GBF1: variants seen among roughly 807,000 people sequenced by gnomAD.
GBF1 encodes golgi brefeldin A resistant guanine nucleotide exchange factor 1.
GBF1 carries 114 observed loss-of-function variants against 210.5 expected under a neutral mutation model. The ratio of observed to expected loss-of-function variants is 0.54; its 90% CI spans 0.47 to 0.63. The LOEUF is 0.63. Ranked by LOEUF, GBF1 falls within the 30% of genes least tolerant of loss-of-function variation. GBF1 has a pLI of 0.00. For synonymous variants in GBF1, 850 were observed against 889.2 expected (o/e 0.96, Z 0.78); for missense variants, 1,851 against 2,357.7 (o/e 0.79, Z 4.45).
At chr10:102,254,586 C>A (rs2072065527) in intron 1 of GBF1, among the ~76,000 whole-genome samples, 1 of 152,124 alleles carries the variant, frequency 6.6e-6, no homozygotes, top group Admixed American at 6.5e-5. Context: ...ACTGGGATGC[C>A]ACAAAGCACT....
chr10:102,242,908 G>A (rs544168017), upstream of GBF1, among the ~76,000 whole-genome samples: 218 of 127,102 alleles, frequency 1.7e-3, 1 homozygote, highest in Admixed American at 1.6e-3. Context: ...CAGACTGGGC[G>A]ACAGAGCAAG....
chr10:102,368,203 C>G lies in GBF1; in HGVS notation c.2643-15C>G. On this transcript the variant is annotated splice_polypyrimidine_tract_variant and intron_variant, in intron 21 of 39. Coordinates refer to ENST00000369983, the MANE Select transcript of GBF1 (RefSeq NM_001377137.1). Reference sequence around the variant, plus strand: ...TCAAAGCAGTGCAACTGCTCCTTCCCTTACCTCCTGACAGGAATGAGGAAA... The same window carrying G: ...TCAAAGCAGTGCAACTGCTCCTTCCGTTACCTCCTGACAGGAATGAGGAAA... 1 of 1,567,246 alleles carries G rather than the reference C, an allele frequency of 6.4e-7. No individual in the cohort carries two copies. Among genetic ancestry groups the G allele is most frequent in the Non-Finnish European group, 8.8e-7 (1 of 1,137,730 alleles).
chr10:102,355,188 G>A (rs911570826), intron 8 of GBF1, among the ~76,000 whole-genome samples: 8 of 152,200 alleles, frequency 5.3e-5, no homozygotes, highest in Admixed American at 6.5e-5. Flanking sequence ...TCACAAGAGT[G>A]TGCATGCTGA....
chr10:102,376,227 G>T, intron 30 of GBF1, 45 bp from the exon 31 acceptor site: 1 of 1,512,716 alleles, frequency 6.6e-7, no homozygotes, highest in Non-Finnish European at 9.2e-7. Context: ...TCATCCCAGT[G>T]CCCCATCCCC....
chr10:102,374,004 A>G (rs981621702), intron 29 of GBF1, among the ~76,000 whole-genome samples: 1 of 152,252 alleles, frequency 6.6e-6, no homozygotes, highest in African/African-American at 2.4e-5. Context: ...TAAAAAGGTT[A>G]TGTAATATAT....
intron 3 of GBF1, among the ~76,000 whole-genome samples, chr10:102,291,083 A>C (rs79332175): frequency 0.01 from 1,558 of 152,214 alleles, 23 homozygotes; most frequent in African/African-American, 0.036. Context: ...TTTGTATTAC[A>C]TGTATCAGGT....
chr10:102,244,426 T>C (rs1195929516), upstream of GBF1, among the ~76,000 whole-genome samples: 1 of 152,230 alleles, frequency 6.6e-6, no homozygotes, highest in African/African-American at 2.4e-5. Flanking sequence ...CATCCTCTTG[T>C]CCTCTTCTCA....
rs531258435 is a variant in GBF1, at chr10:102,324,388, A to G, written c.164-19663A>G. On this transcript the variant is annotated intron_variant, in intron 3 of 39. Transcript: ENST00000369983. ...GTGTAGGGAATGCCAGGGGCTACCC[A>G]AGAAATATGAAATGAGTTATTTGTA... Among the ~76,000 whole-genome samples, 11 of 152,278 alleles carry G rather than the reference A, an allele frequency of 7.2e-5. No homozygotes were observed. The East Asian group carries it at 2.1e-3, about 29-fold the overall frequency.
chr10:102,280,916 G>T (rs191657613), intron 3 of GBF1, among the ~76,000 whole-genome samples: 1 of 152,192 alleles, frequency 6.6e-6, no homozygotes. Flanking sequence ...GTTGTCTTTC[G>T]TCTGAGAAAC....
chr10:102,343,512 T>G (rs2058331175), intron 3 of GBF1, among the ~76,000 whole-genome samples: 1 of 152,220 alleles, frequency 6.6e-6, no homozygotes, highest in Admixed American at 6.5e-5. Flanking sequence ...AACTGTTTGT[T>G]AACTCTTTAA....
In GBF1 at chr10:102,351,895, C is replaced by CG; in HGVS notation, c.467_468insG (p.Val157CysfsTer3). ...GTGGGTGCCCACCTAACCAATGAAT[C>CG]TGTGTGTGAGATTATGCAGTCTTGC... On this transcript the variant is annotated frameshift_variant, in exon 6 of 40. Coordinates refer to ENST00000369983, the MANE Select transcript of GBF1 (RefSeq NM_001377137.1). LOFTEE classifies it high-confidence loss of function. The CG allele has an allele frequency of 6.2e-7, 1 of 1,612,418 alleles. No individual in the cohort carries two copies. Among genetic ancestry groups the CG allele is most frequent in the Non-Finnish European group, 8.5e-7 (1 of 1,178,480 alleles).
intron 3 of GBF1, among the ~76,000 whole-genome samples, chr10:102,329,955 A>T (rs971085070): frequency 4.6e-5 from 7 of 152,102 alleles, no homozygotes; most frequent in African/African-American, 1.7e-4. Context: ...CAAAAAATTT[A>T]AAAAATTAGC....
chr10:102,270,177 C>CT lies in GBF1; in HGVS notation c.163+10071dup, dbSNP rs1318079485. ...ACAGGCGTGAACCACTGCACCCGGC[C>CT]TTTTTTTTTTGAGACGGAGTCTAGC... On this transcript the variant is annotated intron_variant, in intron 3 of 39. Transcript: ENST00000369983. Among the ~76,000 whole-genome samples, 185 of 146,892 alleles carry CT rather than the reference C, an allele frequency of 1.3e-3. 1 individual carries two copies. Among genetic ancestry groups the CT allele is most frequent in the African/African-American group, 4.1e-3 (163 of 39,990 alleles).
Position 102,362,056 on chromosome 10 carries a change from T to C in GBF1, c.1686+144T>C, listed in dbSNP as rs140052457. Reference sequence around the variant, plus strand: ...AGGCATTTTCTTTTCTTTTCTTTTTTTTTTTTTTTTTTTTTTTTGAGATGG... The same window carrying C: ...AGGCATTTTCTTTTCTTTTCTTTTTCTTTTTTTTTTTTTTTTTTGAGATGG... On this transcript the variant is annotated intron_variant, in intron 14 of 39. Coordinates refer to ENST00000369983, the MANE Select transcript of GBF1 (RefSeq NM_001377137.1). The C allele has an allele frequency of 2.8e-3, 1,118 of 394,454 alleles. 3 individuals carry two copies. Among genetic ancestry groups the C allele is most frequent in the Non-Finnish European group, 3.7e-3 (841 of 225,582 alleles). 24.4% of individuals were successfully genotyped at this position (394,454 alleles called of 1,614,324 possible).
intron 33 of GBF1, 95 bp from the exon 34 acceptor site, chr10:102,379,189 C>A: frequency 1.7e-6 from 2 of 1,183,450 alleles, no homozygotes; most frequent in Non-Finnish European, 2.4e-6. Flanking sequence ...GCTAGGGACA[C>A]CTTGAGGACT....
intron 3 of GBF1, among the ~76,000 whole-genome samples, chr10:102,322,305 G>T (rs533806348): frequency 6.6e-6 from 1 of 152,170 alleles, no homozygotes; most frequent in Non-Finnish European, 1.5e-5. Context: ...GGAGAGAATT[G>T]ACATCTTTAT....
At chr10:102,369,454 A>G in intron 24 of GBF1, 67 bp downstream of exon 24, 1 of 1,263,202 alleles carries the variant, frequency 7.9e-7, no homozygotes, top group Non-Finnish European at 1.1e-6. Context: ...TGCTACCTGT[A>G]CATAGAAGTA....
intron 3 of GBF1, among the ~76,000 whole-genome samples, chr10:102,338,554 A>C (rs150421212): frequency 1.3e-5 from 2 of 151,870 alleles, no homozygotes; most frequent in African/African-American, 4.8e-5. Flanking sequence ...GATTTCAACT[A>C]TCTAATTTGA....
rs371800359 is a variant in GBF1 at position 102,302,359 on chromosome 10, A to G, written c.164-41692A>G. 7.9e-5 allele frequency among the ~76,000 whole-genome samples: 12 copies of G among 152,356 alleles called. No homozygotes were observed. The South Asian group carries it at 2.3e-3, about 29-fold the overall frequency. Reference sequence around the variant, plus strand: ...AATATACTAAAACACATTGAATTGTATACTTTAAAGGAGTGAACTATATCT... The same window carrying G: ...AATATACTAAAACACATTGAATTGTGTACTTTAAAGGAGTGAACTATATCT... On this transcript the variant is annotated intron_variant, in intron 3 of 39. Coordinates refer to ENST00000369983, the MANE Select transcript of GBF1 (RefSeq NM_001377137.1).
Sources: allele counts gnomAD v4.1 joint callset (sites outside exome capture counted in the v4.1 genomes callset), GRCh38; gene constraint gnomAD v4.1.1; transcripts MANE v1.5; gene names NCBI Gene and HGNC (gene_info 2026-07-23, HGNC 2026-07-21).